Variants in FOXK1 observed in about 807,000 individuals in gnomAD.
FOXK1 encodes the protein forkhead box K1, also known as forkhead box protein K1.
A neutral mutation model predicts 51.9 loss-of-function variants in FOXK1; 19 were observed. The ratio of observed to expected loss-of-function variants is 0.37; its 90% CI spans 0.26 to 0.54. The LOEUF is 0.54. Among genes scored for constraint, FOXK1 ranks in the 20% least tolerant of loss-of-function variants. FOXK1 has a pLI of 0.87. For missense variants in FOXK1, 870 were observed against 1,032.7 expected (o/e 0.84, Z 2.16); for synonymous variants, 537 against 482.6 (o/e 1.11, Z -1.48).
Position 4,743,476 on chromosome 7 carries a change from G to A in FOXK1, c.746+2453G>A, listed in dbSNP as rs2115062781. Among the ~76,000 whole-genome samples, 1 of 152,320 alleles carries A rather than the reference G, an allele frequency of 6.6e-6. No individual in the cohort carries two copies. Among genetic ancestry groups the A allele is most frequent in the East Asian group, 1.9e-4 (1 of 5,164 alleles). ...GAGGCAGGAGACTGGCTTGAACCCA[G>A]GAGGTGAAGGTTGCAGTGAGCTGAG... On this transcript the variant is annotated intron_variant, in intron 2 of 8. Coordinates refer to ENST00000328914, the MANE Select transcript of FOXK1 (RefSeq NM_001037165.2). The surrounding 1 kb of genome is among the most constrained non-coding windows in gnomAD (Gnocchi z 5.3).
chr7:4,710,283 C>T (rs1026853584), intron 1 of FOXK1, among the ~76,000 whole-genome samples: 8 of 152,306 alleles, frequency 5.3e-5, no homozygotes, highest in Admixed American at 2.0e-4. Flanking sequence ...TACTGGCTCA[C>T]GCCTGTAATC....
Position 4,760,750 on chromosome 7 carries a change from C to T in FOXK1, c.1697-314C>T, listed in dbSNP as rs1048972779. Among the ~76,000 whole-genome samples, 17 of 152,244 alleles carry T rather than the reference C, an allele frequency of 1.1e-4. No individual in the cohort carries two copies. The East Asian group carries it at 2.9e-3, about 26-fold the overall frequency. On this transcript the variant is annotated intron_variant, in intron 7 of 8. Transcript: ENST00000328914. The stretch of plus-strand genomic sequence containing the variant: ...CCTGTAGTCCCAGCTACTCAGGAGG[C>T]TGAGGCAGGAGAATCGCTTGAACCC...
rs1392109690 is a variant in FOXK1 at position 4,753,593 on chromosome 7, C to CT, written c.747-863dup. 6.6e-6 allele frequency among the ~76,000 whole-genome samples: 1 copy of CT among 152,162 alleles called. No individual in the cohort carries two copies. Among genetic ancestry groups the CT allele is most frequent in the Non-Finnish European group, 1.5e-5 (1 of 68,024 alleles). ...CCGTGAGCTCAGGACAGTGGGATCTCTTTCTCTCGGGAGGTTCTGCACCCA... is the reference window on the plus strand; with the variant it reads ...CCGTGAGCTCAGGACAGTGGGATCTCTTTTCTCTCGGGAGGTTCTGCACCCA... On this transcript the variant is annotated intron_variant, in intron 2 of 8. Coordinates refer to ENST00000328914, the MANE Select transcript of FOXK1 (RefSeq NM_001037165.2). This position sits in a 1 kb window ranked among gnomAD's most constrained non-coding sequence, Gnocchi z 4.9.
rs1283951709 is a variant in FOXK1, at chr7:4,733,033, C to T, written c.561-7805C>T. On this transcript the variant is annotated intron_variant, in intron 1 of 8. Transcript: ENST00000328914. This position sits in a 1 kb window ranked among gnomAD's most constrained non-coding sequence, Gnocchi z 5.0. Reference sequence around the variant, plus strand: ...TTTCTCCTGAGAGCCCTGGCTCTCTCCTGCACAGCTCTGGGCTCCTGCACA... The same window carrying T: ...TTTCTCCTGAGAGCCCTGGCTCTCTTCTGCACAGCTCTGGGCTCCTGCACA... Among the ~76,000 whole-genome samples the T allele has an allele frequency of 6.6e-6, 1 of 152,176 alleles. No individual in the cohort carries two copies. Among genetic ancestry groups the T allele is most frequent in the Non-Finnish European group, 1.5e-5 (1 of 68,036 alleles).
At position 4,707,910 on chromosome 7, in the gene FOXK1, C is replaced by A. The variant is rs1428521567; in HGVS notation, c.560+25042C>A. Among the ~76,000 whole-genome samples the A allele has an allele frequency of 6.6e-6, 1 of 152,212 alleles. No individual in the cohort carries two copies. Among genetic ancestry groups the A allele is most frequent in the Non-Finnish European group, 1.5e-5 (1 of 68,004 alleles). ...TGTTGGCCAGGCTGGTCACGAACTCCTGCCCCAAGTGATCCACCCTCCTCA... is the reference window on the plus strand; with the variant it reads ...TGTTGGCCAGGCTGGTCACGAACTCATGCCCCAAGTGATCCACCCTCCTCA... On this transcript the variant is annotated intron_variant, in intron 1 of 8. Transcript: ENST00000328914. The surrounding 1 kb of genome is among the most constrained non-coding windows in gnomAD (Gnocchi z 4.1).
Position 4,711,922 on chromosome 7 carries a change from G to A in FOXK1, c.561-28916G>A, listed in dbSNP as rs1013849643. ...TGGACTATGACTCAAGGTTGAGATG[G>A]GGCAGGGACTCCGGGGGAGGGGCAG... On this transcript the variant is annotated intron_variant, in intron 1 of 8. Coordinates refer to ENST00000328914, the MANE Select transcript of FOXK1 (RefSeq NM_001037165.2). The surrounding 1 kb of genome is among the most constrained non-coding windows in gnomAD (Gnocchi z 6.3). Among the ~76,000 whole-genome samples, 7 of 152,168 alleles carry A rather than the reference G, an allele frequency of 4.6e-5. No homozygotes were observed. The highest frequency in any genetic ancestry group is 1.2e-4 in the African/African-American group (5 of 41,444).
In FOXK1 at chr7:4,743,523, C is replaced by T. The variant is rs1190461262; in HGVS notation, c.746+2500C>T. Among the ~76,000 whole-genome samples the T allele has an allele frequency of 6.6e-6, 1 of 152,174 alleles. No individual in the cohort carries two copies. The highest frequency in any genetic ancestry group is 2.4e-5 in the African/African-American group (1 of 41,438). ...TGAGATCACGCGACTGCACTCCAGCCCGGGCGATAGAGCGAGACTCCATTT... is the reference window on the plus strand; with the variant it reads ...TGAGATCACGCGACTGCACTCCAGCTCGGGCGATAGAGCGAGACTCCATTT... On this transcript the variant is annotated intron_variant, in intron 2 of 8. Transcript: ENST00000328914. This position sits in a 1 kb window ranked among gnomAD's most constrained non-coding sequence, Gnocchi z 5.3.
rs1187091563 is a variant in FOXK1, at chr7:4,682,857, G to A, written c.549G>A (p.Gln183=). The change falls in exon 1 of 9, where the codon CAG becomes CAA. Residue 183 remains glutamine, a synonymous_variant. Transcript: ENST00000328914. This position sits in a 1 kb window ranked among gnomAD's most constrained non-coding sequence, Gnocchi z 7.6. Reference sequence around the variant, plus strand: ...AGAGACGCGGCGCGCCCGCCCTGCAGCTGCCCAAGCAGTGAGTGGCCCCGC... The same window carrying A: ...AGAGACGCGGCGCGCCCGCCCTGCAACTGCCCAAGCAGTGAGTGGCCCCGC... ...AFQRRGAPAL[Q]LPKQCTFRFP... is the part of the protein sequence containing the mutation. The A allele has an allele frequency of 3.2e-6, 5 of 1,544,156 alleles. No individual in the cohort carries two copies. In the African/African-American group the frequency reaches 6.9e-5, roughly 21 times the overall value.
intron 1 of FOXK1, among the ~76,000 whole-genome samples, chr7:4,705,785 C>CT (rs1192028514): frequency 1.3e-5 from 2 of 151,102 alleles, no homozygotes; most frequent in East Asian, 1.9e-4. Context: ...GACCCCCCCC[C>CT]GCCTCAGCCT....
At chr7:4,718,874 A>G (rs1562377599) in intron 1 of FOXK1, among the ~76,000 whole-genome samples, 1 of 152,174 alleles carries the variant, frequency 6.6e-6, no homozygotes, top group Non-Finnish European at 1.5e-5. Flanking sequence ...CAGTGGCACA[A>G]TCTCGGCTCC....
intron 1 of FOXK1, among the ~76,000 whole-genome samples, chr7:4,708,696 G>C (rs768980885): frequency 2.6e-5 from 4 of 152,206 alleles, no homozygotes; most frequent in Non-Finnish European, 5.9e-5. Flanking sequence ...CTCCCAGCCT[G>C]GGGTGAACTT....
Position 4,703,319 on chromosome 7 carries a change from G to A in FOXK1, c.560+20451G>A, listed in dbSNP as rs1458643364. Among the ~76,000 whole-genome samples, 1 of 152,224 alleles carries A rather than the reference G, an allele frequency of 6.6e-6. No homozygotes were observed. The highest frequency in any genetic ancestry group is 1.5e-5 in the Non-Finnish European group (1 of 68,030). The stretch of plus-strand genomic sequence containing the variant: ...GGGAGGGGGAGGACCCGAGGGGGCA[G>A]AGCATTTAGGACATGGAGTGGGTAG... On this transcript the variant is annotated intron_variant, in intron 1 of 8. Coordinates refer to ENST00000328914, the MANE Select transcript of FOXK1 (RefSeq NM_001037165.2). The surrounding 1 kb of genome is among the most constrained non-coding windows in gnomAD (Gnocchi z 5.6).
chr7:4,725,641 C>T (rs1381992649), intron 1 of FOXK1, among the ~76,000 whole-genome samples: 1 of 152,266 alleles, frequency 6.6e-6, no homozygotes, highest in African/African-American at 2.4e-5. Context: ...GTTGGGAGGA[C>T]GGGAGCTCTA....
In FOXK1 at chr7:4,722,365, G is replaced by A. The variant is rs1265342614; in HGVS notation, c.561-18473G>A. Among the ~76,000 whole-genome samples the A allele has an allele frequency of 1.3e-5, 2 of 152,182 alleles. No individual in the cohort carries two copies. Among genetic ancestry groups the A allele is most frequent in the African/African-American group, 4.8e-5 (2 of 41,446 alleles). On this transcript the variant is annotated intron_variant, in intron 1 of 8. Transcript: ENST00000328914. The surrounding 1 kb of genome is among the most constrained non-coding windows in gnomAD (Gnocchi z 5.1). ...TTGTTGCCTCTTATGTACTTTGGTC[G>A]TTCGTATTTCCTAGGCTTAAAACCC...
chr7:4,752,976 G>A (rs1780798481), intron 2 of FOXK1, among the ~76,000 whole-genome samples: 1 of 152,228 alleles, frequency 6.6e-6, no homozygotes, highest in South Asian at 2.1e-4. Flanking sequence ...ACTAAATTCA[G>A]AAAAGGTTTC....
At position 4,682,911 on chromosome 7, in the gene FOXK1, C is replaced by T. The variant is rs1005926735; in HGVS notation, c.560+43C>T. ...CCCCGCCGCCCGCACCCGGGGCTCG[C>T]CCACGACCTCGATCTCTGAGGCCCG... On this transcript the variant is annotated intron_variant, in intron 1 of 8. Transcript: ENST00000328914. The surrounding 1 kb of genome is among the most constrained non-coding windows in gnomAD (Gnocchi z 7.6). 1.4e-6 allele frequency: 2 copies of T among 1,417,174 alleles called. No individual in the cohort carries two copies. The highest frequency in any genetic ancestry group is 3.0e-5 in the African/African-American group (2 of 67,636). 87.8% of individuals were successfully genotyped at this position (1,417,174 alleles called of 1,614,324 possible). A position where few individuals can be genotyped will look rare whatever the true frequency, so the allele number is the denominator to read the frequency against.
At position 4,761,353 on chromosome 7, in the gene FOXK1, G is replaced by T; in HGVS notation, c.1921+65G>T. On this transcript the variant is annotated intron_variant, in intron 8 of 8. Coordinates refer to ENST00000328914, the MANE Select transcript of FOXK1 (RefSeq NM_001037165.2). This position sits in a 1 kb window ranked among gnomAD's most constrained non-coding sequence, Gnocchi z 6.2. ...TCTGTGGCTCCCAGTAGTCAGTGCGGCATGAGAATGTTCTCCCAGTATCTC... is the reference window on the plus strand; with the variant it reads ...TCTGTGGCTCCCAGTAGTCAGTGCGTCATGAGAATGTTCTCCCAGTATCTC... The T allele has an allele frequency of 1.4e-6, 2 of 1,456,002 alleles. No homozygotes were observed. The highest frequency in any genetic ancestry group is 1.9e-6 in the Non-Finnish European group (2 of 1,064,066). 90.2% of individuals were successfully genotyped at this position (1,456,002 alleles called of 1,614,324 possible). A position where few individuals can be genotyped will look rare whatever the true frequency, so the allele number is the denominator to read the frequency against.
chr7:4,712,617 A>C (rs1780188799), intron 1 of FOXK1, among the ~76,000 whole-genome samples: 1 of 152,210 alleles, frequency 6.6e-6, no homozygotes, highest in African/African-American at 2.4e-5. Context: ...GTATTATTGC[A>C]GTCTCGAAAA....
In FOXK1 at chr7:4,748,985, G is replaced by T. The variant is rs897687157; in HGVS notation, c.747-5474G>T. 2.6e-5 allele frequency among the ~76,000 whole-genome samples: 4 copies of T among 152,170 alleles called. No homozygotes were observed. The highest frequency in any genetic ancestry group is 9.7e-5 in the African/African-American group (4 of 41,444). Reference sequence around the variant, plus strand: ...TGAGCCACCTCGCCTGGACCCCCAGGTTCCTGTCCACGCTTCTGGGACTGG... The same window carrying T: ...TGAGCCACCTCGCCTGGACCCCCAGTTTCCTGTCCACGCTTCTGGGACTGG... On this transcript the variant is annotated intron_variant, in intron 2 of 8. Coordinates refer to ENST00000328914, the MANE Select transcript of FOXK1 (RefSeq NM_001037165.2). This position sits in a 1 kb window ranked among gnomAD's most constrained non-coding sequence, Gnocchi z 4.9.
Sources: allele counts gnomAD v4.1 joint callset (sites outside exome capture counted in the v4.1 genomes callset), GRCh38; gene constraint gnomAD v4.1.1; non-coding constraint Gnocchi (gnomAD v3.1); transcripts MANE v1.5; gene names NCBI Gene and HGNC (gene_info 2026-07-23, HGNC 2026-07-21).